The following NRXN1 variants were observed in gnomAD, a reference collection of about 807,000 sequenced individuals.
NRXN1 encodes the protein neurexin 1.
In NRXN1, 39 loss-of-function variants were observed where a neutral mutation model predicts 150.9. That is an observed-to-expected ratio of 0.26 (90% CI 0.20 to 0.34). NRXN1 has a LOEUF of 0.34. Ranked by LOEUF, NRXN1 falls within the 10% of genes least tolerant of loss-of-function variation. The probability of loss-of-function intolerance (pLI) is 1.00; values close to 1 mark genes in which losing one functional copy is unlikely to be tolerated. For missense variants in NRXN1, 1,815 were observed against 1,949.9 expected, an observed-to-expected ratio of 0.93 and a Z score of 1.30; for synonymous variants, 924 against 757.0, an observed-to-expected ratio of 1.22 and a Z score of -3.62.
chr2:50,691,772 C>A (rs895950136), intron 5 of NRXN1, among the ~76,000 whole-genome samples: 1 of 152,052 alleles, frequency 6.6e-6, no homozygotes, highest in Admixed American at 6.5e-5. Flanking sequence ...CCATAACAAC[C>A]CCGAGGGCTG....
intron 5 of NRXN1, among the ~76,000 whole-genome samples, chr2:50,847,015 T>C (rs1184542466): frequency 6.6e-6 from 1 of 152,176 alleles, no homozygotes; most frequent in Non-Finnish European, 1.5e-5. Flanking sequence ...AGAAACTTAG[T>C]AAGACCTGTC....
At chr2:50,510,734 G>C (rs1041222795) in intron 12 of NRXN1, among the ~76,000 whole-genome samples, 5 of 152,116 alleles carry the variant, frequency 3.3e-5, no homozygotes, top group African/African-American at 1.2e-4. Context: ...AAGGCAGTAA[G>C]AAGTAGAGAG....
intron 13 of NRXN1, among the ~76,000 whole-genome samples, chr2:50,497,973 C>A (rs2091736980): frequency 6.6e-6 from 1 of 151,990 alleles, no homozygotes; most frequent in Admixed American, 6.5e-5. Flanking sequence ...GTAATGGTAT[C>A]TTTTAAAGGC....
intron 5 of NRXN1, among the ~76,000 whole-genome samples, chr2:50,649,865 G>A (rs1018308510): frequency 6.6e-6 from 1 of 151,972 alleles, no homozygotes; most frequent in African/African-American, 2.4e-5. Context: ...AATCATAGAT[G>A]CTATAATTGC....
chr2:50,550,763 A>G lies in NRXN1; in HGVS notation c.1759+1824T>C, dbSNP rs924202928. On this transcript the variant is annotated intron_variant, in intron 9 of 22. Transcript: ENST00000401669. ...GCGGCCCGATCTCGGCTCACTGCAA[A>G]ATCCGCCTCCCAGCTTCATGCCATT... Among the ~76,000 whole-genome samples the G allele has an allele frequency of 1.3e-4, 20 of 150,412 alleles. No individual in the cohort carries two copies. The East Asian group carries it at 3.5e-3, about 27-fold the overall frequency.
rs933575067 is a variant in NRXN1, at chr2:50,918,683, T to A, written c.832+3186A>T. On this transcript the variant is annotated intron_variant, in intron 5 of 22. Transcript: ENST00000401669. ...AATCAAAGCAATTATTGGAATGAAGTGACCAGTTACACATACATAGGAAAA... is the reference window on the plus strand; with the variant it reads ...AATCAAAGCAATTATTGGAATGAAGAGACCAGTTACACATACATAGGAAAA... The A allele has an allele frequency of 1.1e-5, 4 of 349,550 alleles. No homozygotes were observed. In the Admixed American group the frequency reaches 1.9e-4, roughly 17 times the overall value. The allele number at this position is 349,550 out of a possible 1,614,324, so 21.7% of individuals were successfully genotyped here.
intron 8 of NRXN1, among the ~76,000 whole-genome samples, chr2:50,608,427 G>C (rs959055316): frequency 6.6e-6 from 1 of 152,114 alleles, no homozygotes; most frequent in East Asian, 1.9e-4. Flanking sequence ...TGCACATGCT[G>C]CTGGTTCACA....
chr2:50,956,087 C>T (rs184053422), intron 2 of NRXN1, among the ~76,000 whole-genome samples: 7 of 152,198 alleles, frequency 4.6e-5, no homozygotes, highest in Non-Finnish European at 5.9e-5. Flanking sequence ...AAGGCTAATA[C>T]GGTTGTCTCC....
intron 5 of NRXN1, among the ~76,000 whole-genome samples, chr2:50,895,216 G>A (rs2103879608): frequency 6.6e-6 from 1 of 152,060 alleles, no homozygotes; most frequent in East Asian, 1.9e-4. Context: ...ACCCTATTGG[G>A]GCCTAAATGA....
intron 2 of NRXN1, among the ~76,000 whole-genome samples, chr2:50,956,541 A>C (rs921413198): frequency 6.6e-6 from 1 of 152,088 alleles, no homozygotes; most frequent in Non-Finnish European, 1.5e-5. Flanking sequence ...TGAGCCCCAG[A>C]GTTCAAAACC....
intron 22 of NRXN1, among the ~76,000 whole-genome samples, chr2:49,927,793 T>A (rs1669359535): frequency 6.6e-6 from 1 of 152,184 alleles, no homozygotes; most frequent in South Asian, 2.1e-4. Context: ...TCAGATGGTC[T>A]TTTTATCACT....
chr2:50,958,986 C>G (rs992140149), intron 2 of NRXN1, among the ~76,000 whole-genome samples: 6 of 152,018 alleles, frequency 3.9e-5, no homozygotes, highest in Non-Finnish European at 5.9e-5. Flanking sequence ...GTCGTAGTGT[C>G]TTTGCTAAAT....
In NRXN1 at chr2:50,472,403, C is replaced by T. The variant is rs1343492105; in HGVS notation, c.3139G>A (p.Glu1047Lys). The change falls in exon 16 of 23, where the codon GAA (glutamate) becomes AAA (lysine). Residue 1047 changes from glutamate (E) to lysine (K), a missense_variant. This residue lies in a region of NRXN1 where 339 missense variants were observed against 440.3 expected (regional missense o/e 0.77). Transcript: ENST00000401669. ...GATGCCAGGCAGCCTTGAAAGCCTT[C>T]TTTGGCATGTACAAGTTTTGGTAAG... Reference protein sequence around the residue: ...KSLPKLVHAKEGFQGCLASVD... With the variant: ...KSLPKLVHAKKGFQGCLASVD... 1.2e-6 allele frequency: 2 copies of T among 1,612,136 alleles called. No individual in the cohort carries two copies. The highest frequency in any genetic ancestry group is 1.7e-6 in the Non-Finnish European group (2 of 1,178,866).
At chr2:50,095,743 T>A (rs1700124616) in intron 18 of NRXN1, among the ~76,000 whole-genome samples, 1 of 149,110 alleles carries the variant, frequency 6.7e-6, no homozygotes. Context: ...TGAGCATCCG[T>A]GATGCTTGGA....
At chr2:50,365,951 G>T (rs1318726572) in intron 17 of NRXN1, among the ~76,000 whole-genome samples, 1 of 151,972 alleles carries the variant, frequency 6.6e-6, no homozygotes, top group Non-Finnish European at 1.5e-5. Context: ...ACGACTGCAG[G>T]TCTGTAGCCA....
rs770632900 is a variant in NRXN1 at position 50,497,710 on chromosome 2, T to C, written c.2502A>G (p.Gln834=). The C allele has an allele frequency of 1.9e-6, 3 of 1,607,294 alleles. No individual in the cohort carries two copies. The highest frequency in any genetic ancestry group is 2.6e-6 in the Non-Finnish European group (3 of 1,175,746). The change falls in exon 14 of 23, where the codon CAA becomes CAG. Residue 834 remains glutamine, a synonymous_variant. Transcript: ENST00000401669. The stretch of plus-strand genomic sequence containing the variant: ...CCAGCCTAGTATGATCACCTGCCAT[T>C]TGACCTAAAAGAGAAGATAATATAT... The part of the protein sequence containing the change: ...TVDDQQAMTG[Q]MAGDHTRLEF...
chr2:50,125,524 G>C (rs953457855), intron 18 of NRXN1, among the ~76,000 whole-genome samples: 1 of 151,964 alleles, frequency 6.6e-6, no homozygotes, highest in Non-Finnish European at 1.5e-5. Flanking sequence ...TTCAAACTGA[G>C]CCAGAAACTG....
At chr2:50,195,944 T>C (rs2061731581) in intron 18 of NRXN1, among the ~76,000 whole-genome samples, 1 of 152,050 alleles carries the variant, frequency 6.6e-6, no homozygotes, top group African/African-American at 2.4e-5. Flanking sequence ...GGCCTTTCTT[T>C]TTTGGTTTGT....
intron 12 of NRXN1, among the ~76,000 whole-genome samples, chr2:50,519,870 A>G (rs551014910): frequency 1.3e-5 from 2 of 152,016 alleles, no homozygotes; most frequent in South Asian, 2.1e-4. Context: ...TGTTACTTCA[A>G]CTGGCTCAGT....
Sources: allele counts gnomAD v4.1 joint callset (sites outside exome capture counted in the v4.1 genomes callset), GRCh38; gene constraint gnomAD v4.1.1; regional missense constraint gnomAD v4.1.1; transcripts MANE v1.5; gene names NCBI Gene and HGNC (gene_info 2026-07-23, HGNC 2026-07-21).